The following DMD variants were observed in gnomAD, a reference collection of about 807,000 sequenced individuals.
The protein encoded by DMD is mutant dystrophin.
DMD carries 63 observed loss-of-function variants against 330.1 expected under a neutral mutation model. The ratio of observed to expected loss-of-function variants is 0.19; its 90% confidence interval spans 0.16 to 0.24. DMD has a LOEUF of 0.24. DMD is among the 10% of genes least tolerant of loss of function. The probability of loss-of-function intolerance (pLI) is 1.00; values close to 1 mark genes in which losing one functional copy is unlikely to be tolerated. For missense variants in DMD, 3,344 were observed against 2,684.1 expected (o/e 1.25, Z -5.43); for synonymous variants, 1,223 against 959.8 (o/e 1.27, Z -5.07).
intron 67 of DMD, among the ~76,000 whole-genome samples, chrX:31,195,524 A>G (rs575435227): frequency 6.7e-4 from 75 of 111,630 alleles, no homozygotes; most frequent in African/African-American, 2.3e-3. Flanking sequence ...CGCATTATGT[A>G]AAAGAACAAG....
intron 55 of DMD, among the ~76,000 whole-genome samples, chrX:31,585,635 C>G (rs1171165275): frequency 9.1e-6 from 1 of 110,299 alleles, no homozygotes; most frequent in Non-Finnish European, 1.9e-5. Context: ...ATAATTTTGC[C>G]CATAAGAAGC....
At chrX:32,620,253 A>G (rs992272033) in intron 11 of DMD, among the ~76,000 whole-genome samples, 2 of 112,062 alleles carry the variant, frequency 1.8e-5, no homozygotes, top group Non-Finnish European at 3.8e-5. Context: ...CCCAACATGG[A>G]ACCTGTATGT....
chrX:31,959,769 GTTTTTTT>G (rs201621257), intron 45 of DMD, among the ~76,000 whole-genome samples: 24 of 80,880 alleles, frequency 3.0e-4, no homozygotes, highest in Middle Eastern at 7.1e-3. Context: ...CAGCACCGTG[GTTTTTTT>G]TTTTTTTTTT....
At chrX:32,578,444 T>C (rs2053302666) in intron 13 of DMD, among the ~76,000 whole-genome samples, 1 of 112,233 alleles carries the variant, frequency 8.9e-6, no homozygotes, top group Admixed American at 9.5e-5. Flanking sequence ...TTTCATGGAC[T>C]AAATCACAAC....
At chrX:32,643,619 T>C (rs1455715373) in intron 11 of DMD, among the ~76,000 whole-genome samples, 1 of 111,770 alleles carries the variant, frequency 8.9e-6, no homozygotes, top group Non-Finnish European at 1.9e-5. Context: ...ATTAAGTCAA[T>C]ATATATTCTT....
intron 19 of DMD, among the ~76,000 whole-genome samples, chrX:32,493,624 T>A (rs1360157978): frequency 2.7e-5 from 3 of 111,767 alleles, no homozygotes; most frequent in Non-Finnish European, 3.8e-5. Flanking sequence ...AATGACCACA[T>A]TTGGTATAAA....
At chrX:32,115,240 T>G (rs1403739823) in intron 44 of DMD, among the ~76,000 whole-genome samples, 2 of 111,228 alleles carry the variant, frequency 1.8e-5, no homozygotes, top group East Asian at 5.7e-4. Flanking sequence ...CCACATTATT[T>G]ATTTATTTAT....
intron 44 of DMD, among the ~76,000 whole-genome samples, chrX:32,184,591 G>C (rs1292934603): frequency 2.7e-5 from 3 of 110,938 alleles, no homozygotes; most frequent in Admixed American, 9.7e-5. Flanking sequence ...ATGATCTATC[G>C]GCTGACAACT....
chrX:32,279,951 T>C (rs1251609757), intron 43 of DMD, among the ~76,000 whole-genome samples: 2 of 100,512 alleles, frequency 2.0e-5, no homozygotes, highest in East Asian at 6.4e-4. Flanking sequence ...TATATACACA[T>C]ATATATGTGT....
chrX:32,658,082 G>C (rs1473505632), intron 9 of DMD, among the ~76,000 whole-genome samples: 1 of 111,643 alleles, frequency 9.0e-6, no homozygotes, highest in Non-Finnish European at 1.9e-5. Context: ...CATAGAGTTT[G>C]TAATTGCATA....
intron 49 of DMD, among the ~76,000 whole-genome samples, chrX:31,825,728 A>G (rs927272321): frequency 6.3e-5 from 7 of 111,837 alleles, no homozygotes; most frequent in African/African-American, 1.9e-4. Flanking sequence ...TGATGTGATA[A>G]CGACACCCCT....
intron 2 of DMD, among the ~76,000 whole-genome samples, chrX:32,928,340 T>C (rs2089272769): frequency 9.0e-6 from 1 of 110,544 alleles, no homozygotes; most frequent in Non-Finnish European, 1.9e-5. Flanking sequence ...CTCTTCGTCA[T>C]AAAAATTTGA....
intron 9 of DMD, among the ~76,000 whole-genome samples, chrX:32,697,212 G>A (rs184120156): frequency 2.9e-4 from 32 of 111,381 alleles, no homozygotes; most frequent in Admixed American, 8.6e-4. Context: ...CTTGTATATT[G>A]GGTTCCATAC....
intron 76 of DMD, among the ~76,000 whole-genome samples, chrX:31,138,686 A>AGAGAGAGAGAGAGTGT: frequency 1.1e-5 from 1 of 87,472 alleles, no homozygotes; most frequent in East Asian, 3.9e-4. Context: ...AGAGAGAGAG[A>AGAGAGAGAGAGAGTGT]GAAGGGGGAA....
In DMD at chrX:31,512,933, C is replaced by A. The variant is rs58657396; in HGVS notation, c.8218-5480G>T. ...CTGTAAATCACCTTGGGCAGTATGG[C>A]CATTTTCACAATATTGATTCTTCCT... On this transcript the variant is annotated intron_variant, in intron 55 of 78. Coordinates refer to ENST00000357033, the MANE Select transcript of DMD (RefSeq NM_004006.3). Among the ~76,000 whole-genome samples the A allele has an allele frequency of 4.9e-3, 533 of 107,960 alleles. 4 individuals carry two copies. Among genetic ancestry groups the A allele is most frequent in the African/African-American group, 0.017 (496 of 29,311 alleles). 93.8% of individuals were successfully genotyped at this position (107,960 alleles called of 115,157 possible).
At chrX:32,089,599 C>T (rs182280929) in intron 44 of DMD, among the ~76,000 whole-genome samples, 9 of 111,722 alleles carry the variant, frequency 8.1e-5, no homozygotes, top group African/African-American at 2.3e-4. Context: ...CCATCCATGT[C>T]GCTGCAAAGG....
At chrX:32,596,546 T>A (rs763130921) in intron 12 of DMD, among the ~76,000 whole-genome samples, 1 of 109,831 alleles carries the variant, frequency 9.1e-6, no homozygotes, top group South Asian at 3.9e-4. Flanking sequence ...CTTTTTTTAT[T>A]TTTTTTTTCT....
intron 41 of DMD, among the ~76,000 whole-genome samples, chrX:32,328,643 T>C (rs1407453366): frequency 9.1e-6 from 1 of 109,747 alleles, no homozygotes; most frequent in Non-Finnish European, 1.9e-5. Flanking sequence ...TTTATCTAAG[T>C]TGGTGGTTTA....
chrX:32,151,712 C>T (rs1361903365), intron 44 of DMD, among the ~76,000 whole-genome samples: 5 of 101,234 alleles, frequency 4.9e-5, no homozygotes, highest in South Asian at 4.0e-4. Flanking sequence ...AACATGCCAG[C>T]GAAACATGGT....
Sources: allele counts gnomAD v4.1 joint callset (sites outside exome capture counted in the v4.1 genomes callset), GRCh38; gene constraint gnomAD v4.1.1; transcripts MANE v1.5; gene names NCBI Gene and HGNC (gene_info 2026-07-23, HGNC 2026-07-21).